The following HK1 variants were observed in gnomAD, a reference collection of about 807,000 sequenced individuals.
The protein encoded by HK1 is hexokinase 1.
HK1 carries 28 observed loss-of-function variants against 91.6 expected under a neutral mutation model. That is an observed-to-expected ratio of 0.31 (90% confidence interval 0.23 to 0.42). The LOEUF (loss-of-function observed/expected upper bound fraction) is 0.42. Among genes scored for constraint, HK1 ranks in the 10% least tolerant of loss-of-function variants. HK1 has a pLI of 1.00. For synonymous variants in HK1, 430 were observed against 468.1 expected, an observed-to-expected ratio of 0.92 and a Z score of 1.05; for missense variants, 770 against 1,219.8, an observed-to-expected ratio of 0.63 and a Z score of 5.49.
intron 1 of HK1, among the ~76,000 whole-genome samples, chr10:69,325,460 C>T (rs1039269826): frequency 2.6e-5 from 4 of 151,368 alleles, no homozygotes; most frequent in African/African-American, 7.3e-5. Flanking sequence ...TGGGTTCAAG[C>T]GATTCTCCTG....
At chr10:69,307,282 C>T (rs1268071173) in intron 5 of HK1, among the ~76,000 whole-genome samples, 2 of 152,082 alleles carry the variant, frequency 1.3e-5, no homozygotes, top group African/African-American at 2.4e-5. Flanking sequence ...TCCACCCCCA[C>T]CCCCCGGGGG....
chr10:69,300,751 G>A, intron 4 of HK1: 2 of 1,445,302 alleles, frequency 1.4e-6, no homozygotes, highest in Non-Finnish European at 1.9e-6. Flanking sequence ...AGAACCTGGT[G>A]TTTGTCTCTC....
upstream of HK1, chr10:69,318,212 G>C (rs1846755677): frequency 1.0e-6 from 1 of 985,360 alleles, no homozygotes; most frequent in African/African-American, 1.7e-5. Flanking sequence ...GGGGAGAGGT[G>C]ATGCACTGCC....
chr10:69,317,699 C>T (rs548784399), upstream of HK1, among the ~76,000 whole-genome samples: 1 of 152,264 alleles, frequency 6.6e-6, no homozygotes, highest in East Asian at 1.9e-4. Context: ...AAGCTGTGAT[C>T]CTAGATCTAC....
At position 69,392,166 on chromosome 10, in the gene HK1, G is replaced by A. The variant is rs749520125; in HGVS notation, c.2077G>A (p.Val693Met). 2.7e-5 allele frequency: 43 copies of A among 1,614,108 alleles called. No individual in the cohort carries two copies. In the Admixed American group the frequency reaches 5.0e-4, roughly 19 times the overall value. Residue 693 changes from valine to methionine, a missense_variant, in exon 15 of 18, where the codon GTG (valine) becomes ATG (methionine). Transcript: ENST00000359426. ...CTGCTACATGGAGGAGATGAAGAAC[G>A]TGGAGATGGTGGAGGGGGACCAGGG... ...NACYMEEMKN[V>M]EMVEGDQGQM...
chr10:69,345,488 G>C (rs1250212746), intron 2 of HK1, among the ~76,000 whole-genome samples: 2 of 152,136 alleles, frequency 1.3e-5, no homozygotes, highest in East Asian at 1.9e-4. Flanking sequence ...TCCAGGATGA[G>C]GAGAGCTATG....
intron 4 of HK1, among the ~76,000 whole-genome samples, chr10:69,298,280 A>G (rs1017646274): frequency 3.3e-5 from 5 of 151,816 alleles, no homozygotes; most frequent in Admixed American, 6.6e-5. Context: ...TTTGGGTTTA[A>G]TTAGACTGAT....
intron 17 of HK1, among the ~76,000 whole-genome samples, chr10:69,400,450 GGC>G (rs1335884467): frequency 6.9e-6 from 1 of 145,548 alleles, no homozygotes; most frequent in African/African-American, 2.5e-5. Context: ...TTGATGGTGG[GGC>G]GCTGGGGGTC....
At chr10:69,315,177 G>A (rs1003750615), upstream of HK1, among the ~76,000 whole-genome samples, 6 of 152,234 alleles carry the variant, frequency 3.9e-5, no homozygotes, top group African/African-American at 1.4e-4. Context: ...GAGAAATGAA[G>A]CAATAAATGA....
chr10:69,350,325 C>T (rs977794640), intron 2 of HK1, among the ~76,000 whole-genome samples: 4 of 152,196 alleles, frequency 2.6e-5, no homozygotes, highest in Non-Finnish European at 5.9e-5. Flanking sequence ...TAAAGAGATG[C>T]TGGACATCCA....
intron 3 of HK1, among the ~76,000 whole-genome samples, chr10:69,289,907 A>C (rs1845220644): frequency 6.6e-6 from 1 of 151,508 alleles, no homozygotes; most frequent in Non-Finnish European, 1.5e-5. Context: ...AGTGTGAGCC[A>C]CTGTGCCCAG....
At chr10:69,397,844 GA>G (rs1354189010) in intron 16 of HK1, among the ~76,000 whole-genome samples, 1 of 151,532 alleles carries the variant, frequency 6.6e-6, no homozygotes, top group African/African-American at 2.4e-5. Flanking sequence ...AAAACAAATG[GA>G]AAAAAAAGAG....
At chr10:69,386,053 C>T (rs924273641) in intron 12 of HK1, among the ~76,000 whole-genome samples, 4 of 152,156 alleles carry the variant, frequency 2.6e-5, no homozygotes, top group Non-Finnish European at 4.4e-5. Context: ...TATTGAGTGC[C>T]GTCTTTGCCG....
intron 3 of HK1, chr10:69,295,504 C>T (rs1028372537): frequency 7.0e-6 from 5 of 716,488 alleles, no homozygotes; most frequent in Non-Finnish European, 1.3e-5. Flanking sequence ...TTTGCTTAGA[C>T]ATTCCAAGGT....
At chr10:69,306,045 G>A (rs1207605085) in intron 5 of HK1, among the ~76,000 whole-genome samples, 1 of 151,990 alleles carries the variant, frequency 6.6e-6, no homozygotes, top group Admixed American at 6.6e-5. Context: ...GAGGGTTTGA[G>A]GACTTCAATA....
At chr10:69,299,812 C>T (rs1051954095) in intron 4 of HK1, among the ~76,000 whole-genome samples, 2 of 150,970 alleles carry the variant, frequency 1.3e-5, no homozygotes, top group Non-Finnish European at 2.9e-5. Context: ...CAGGCGCCTG[C>T]CACTACACCC....
rs571363929 is a variant in HK1 at position 69,352,449 on chromosome 10, C to T, written c.227-7448C>T. Among the ~76,000 whole-genome samples the T allele has an allele frequency of 1.7e-4, 26 of 152,280 alleles. 1 individual carries two copies. The South Asian group carries it at 4.1e-3, about 24-fold the overall frequency. ...TGACACCTGCTTCCCAGCATTCTCC[C>T]TTGTTCTCTCTCTTTCCTTTGGACC... On this transcript the variant is annotated intron_variant, in intron 2 of 17. Coordinates refer to ENST00000359426, the MANE Select transcript of HK1 (RefSeq NM_000188.3).
Position 69,401,656 on chromosome 10 carries a change from G to GCA in HK1, c.*521_*522insCA, listed in dbSNP as rs1840398211. ...ACCCACTGTGGCCTGGCATCGCATCGTGGTGTGTCAATGCCACAAAATCGT... is the reference window on the plus strand; with the variant it reads ...ACCCACTGTGGCCTGGCATCGCATCGCATGGTGTGTCAATGCCACAAAATCGT... On this transcript the variant is annotated 3_prime_UTR_variant, in exon 18 of 18. Coordinates refer to ENST00000359426, the MANE Select transcript of HK1 (RefSeq NM_000188.3). The GCA allele has an allele frequency of 5.6e-6, 2 of 354,728 alleles. No individual in the cohort carries two copies. The highest frequency in any genetic ancestry group is 4.4e-5 in the African/African-American group (2 of 45,922). The allele number at this position is 354,728 out of a possible 1,614,324, so 22.0% of individuals were successfully genotyped here.
At chr10:69,283,124 CAA>C (rs34547808) in intron 2 of HK1, among the ~76,000 whole-genome samples, 11,397 of 60,844 alleles carry the variant, frequency 0.19, 704 homozygotes, top group Non-Finnish European at 0.24. Flanking sequence ...AACTCAGTTT[CAA>C]AAAAAAAAAA....
Sources: gnomAD v4.1 joint callset for allele counts (sites outside exome capture counted in the v4.1 genomes callset) on GRCh38, gnomAD v4.1.1 for gene constraint, MANE v1.5 for transcripts, NCBI Gene and HGNC (gene_info 2026-07-23, HGNC 2026-07-21) for gene names.